Variants in KSR2 observed in about 807,000 individuals in gnomAD.
KSR2 encodes kinase suppressor of ras 2.
Under a neutral mutation model 107.8 loss-of-function variants are expected in KSR2, and 25 were observed. That is an observed-to-expected ratio of 0.23 (90% confidence interval 0.17 to 0.32). The LOEUF (loss-of-function observed/expected upper bound fraction) is 0.32. KSR2 is among the 10% of genes least tolerant of loss of function. The pLI is 1.00. For missense variants in KSR2, 887 were observed against 1,268.9 expected (o/e 0.70, Z 4.57); for synonymous variants, 480 against 507.0 (o/e 0.95, Z 0.71).
intron 5 of KSR2, among the ~76,000 whole-genome samples, chr12:117,635,759 A>C (rs576099775): frequency 6.6e-6 from 1 of 151,848 alleles, no homozygotes; most frequent in South Asian, 2.1e-4. Context: ...ACCACAATAC[A>C]TCTGTCAAAA....
chr12:117,482,577 ACAAGGAGACC>A (rs1872237575), intron 16 of KSR2, among the ~76,000 whole-genome samples: 1 of 152,156 alleles, frequency 6.6e-6, no homozygotes, highest in Non-Finnish European at 1.5e-5. Context: ...TGCTCTCTGG[ACAAGGAGACC>A]AGAAGCCACC....
chr12:117,711,528 C>T (rs1565974313), intron 4 of KSR2, among the ~76,000 whole-genome samples: 1 of 152,214 alleles, frequency 6.6e-6, no homozygotes, highest in Non-Finnish European at 1.5e-5. Flanking sequence ...TGGGAATGGA[C>T]ACACCCAAGG....
chr12:117,607,316 G>A (rs1565923510), intron 5 of KSR2, among the ~76,000 whole-genome samples: 1 of 152,198 alleles, frequency 6.6e-6, no homozygotes, highest in Non-Finnish European at 1.5e-5. Context: ...TAAGGGCTGT[G>A]AGGCCTCCTC....
intron 4 of KSR2, among the ~76,000 whole-genome samples, chr12:117,717,666 GGTGTGTGTGT>G (rs55910019): frequency 0.046 from 6,646 of 144,400 alleles, 277 homozygotes; most frequent in Admixed American, 0.14. Flanking sequence ...GGGGCAGACA[GGTGTGTGTGT>G]GTGTGTGTGT....
intron 3 of KSR2, among the ~76,000 whole-genome samples, chr12:117,762,833 A>G (rs983764372): frequency 2.0e-5 from 3 of 151,620 alleles, no homozygotes; most frequent in African/African-American, 7.3e-5. Flanking sequence ...GCACCATTGC[A>G]CTCCAGCCTG....
At chr12:117,691,035 C>T (rs1268042912) in intron 4 of KSR2, among the ~76,000 whole-genome samples, 2 of 152,200 alleles carry the variant, frequency 1.3e-5, no homozygotes, top group African/African-American at 2.4e-5. Context: ...AGAGAATCGG[C>T]AAACCTACTC....
intron 14 of KSR2, among the ~76,000 whole-genome samples, chr12:117,520,287 C>T (rs1050159359): frequency 2.0e-5 from 3 of 152,210 alleles, no homozygotes; most frequent in African/African-American, 4.8e-5. Flanking sequence ...AACCTCACCA[C>T]GCCTGGCCTG....
intron 3 of KSR2, among the ~76,000 whole-genome samples, chr12:117,841,322 C>T (rs1441358549): frequency 2.0e-5 from 3 of 152,288 alleles, no homozygotes; most frequent in South Asian, 2.1e-4. Context: ...CATAATCATG[C>T]GCCCACAGAA....
chr12:117,938,015 C>T (rs1566090287), intron 1 of KSR2, among the ~76,000 whole-genome samples: 1 of 151,058 alleles, frequency 6.6e-6, no homozygotes, highest in African/African-American at 2.4e-5. Flanking sequence ...TTAGACTCCT[C>T]CCATGTTGGA....
At chr12:117,936,533 T>TTATTAG (rs1555258977) in intron 1 of KSR2, among the ~76,000 whole-genome samples, 61 of 119,684 alleles carry the variant, frequency 5.1e-4, no homozygotes, top group South Asian at 1.3e-3. Flanking sequence ...ATTATTATTA[T>TTATTAG]TAGTAGTAGT....
intron 1 of KSR2, among the ~76,000 whole-genome samples, chr12:117,933,359 G>A (rs531368477): frequency 6.6e-6 from 1 of 152,296 alleles, no homozygotes; most frequent in Admixed American, 6.5e-5. Flanking sequence ...GGGAGGCCGA[G>A]ACAGGCAGAT....
intron 4 of KSR2, among the ~76,000 whole-genome samples, chr12:117,688,231 C>T (rs7132713): frequency 0.47 from 70,726 of 151,918 alleles, 16,665 homozygotes; most frequent in East Asian, 0.57. Flanking sequence ...AATACAAAAA[C>T]TGGCCAGGAA....
chr12:117,695,949 G>A (rs1364696298), intron 4 of KSR2, among the ~76,000 whole-genome samples: 1 of 152,176 alleles, frequency 6.6e-6, no homozygotes, highest in Non-Finnish European at 1.5e-5. Flanking sequence ...CTGAACTTGT[G>A]CAAGTGAAAG....
rs544790812 is a variant in KSR2, at chr12:117,880,465, C to G, written c.181-20034G>C. On this transcript the variant is annotated intron_variant, in intron 1 of 19. Coordinates refer to ENST00000339824, the MANE Select transcript of KSR2 (RefSeq NM_173598.6). ...CCTGGGAAAAAGCACCCCAAGCCCC[C>G]CCACCAAAGAGAAAATTTAACTCTT... is the stretch of plus-strand genomic sequence containing the variant. Among the ~76,000 whole-genome samples the G allele has an allele frequency of 1.2e-3, 176 of 152,068 alleles. 2 individuals are homozygous for G. Among genetic ancestry groups the G allele is most frequent in the Middle Eastern group, 6.8e-3 (2 of 294 alleles).
intron 4 of KSR2, among the ~76,000 whole-genome samples, chr12:117,755,209 C>T (rs1420922774): frequency 2.0e-5 from 3 of 152,140 alleles, no homozygotes; most frequent in Non-Finnish European, 4.4e-5. Flanking sequence ...GAGCCTCCAG[C>T]GGGGTAAAAA....
intron 4 of KSR2, among the ~76,000 whole-genome samples, chr12:117,679,517 G>A (rs1885283518): frequency 6.6e-6 from 1 of 152,192 alleles, no homozygotes; most frequent in South Asian, 2.1e-4. Flanking sequence ...ACCCTGACTT[G>A]TGTATCACAT....
chr12:117,657,545 C>T (rs1006101041), intron 5 of KSR2, among the ~76,000 whole-genome samples: 17 of 152,158 alleles, frequency 1.1e-4, no homozygotes, highest in Admixed American at 6.5e-4. Context: ...AAAATGGTTT[C>T]GGGGGCAGTT....
chr12:117,478,853 A>G (rs1245302495), intron 16 of KSR2, among the ~76,000 whole-genome samples: 1 of 152,230 alleles, frequency 6.6e-6, no homozygotes, highest in Non-Finnish European at 1.5e-5. Flanking sequence ...ATATATTAAG[A>G]AATGCATTTT....
At chr12:117,494,135 G>T (rs1039817885) in intron 14 of KSR2, among the ~76,000 whole-genome samples, 2 of 152,152 alleles carry the variant, frequency 1.3e-5, no homozygotes, top group African/African-American at 4.8e-5. Flanking sequence ...GCTTCCCATG[G>T]CCAGACCTTC....
Sources: gnomAD v4.1 joint callset for allele counts (sites outside exome capture counted in the v4.1 genomes callset) on GRCh38, gnomAD v4.1.1 for gene constraint, MANE v1.5 for transcripts, NCBI Gene and HGNC (gene_info 2026-07-23, HGNC 2026-07-21) for gene names.